The following EPHB2 variants were observed in gnomAD, a reference collection of about 807,000 sequenced individuals.
The protein encoded by EPHB2 is EPH receptor B2, also known as ephrin type-B receptor 2.
A neutral mutation model predicts 96.4 loss-of-function variants in EPHB2; 18 were observed. The observed-to-expected ratio is 0.19, with a 90% confidence interval of 0.13 to 0.28. The LOEUF is 0.28. Ranked by LOEUF, EPHB2 falls within the 10% of genes least tolerant of loss-of-function variation. The probability of loss-of-function intolerance (pLI) is 1.00; values close to 1 mark genes in which losing one functional copy is unlikely to be tolerated. For missense variants in EPHB2, 989 were observed against 1,355.4 expected (o/e 0.73, Z 4.25); for synonymous variants, 506 against 534.1 (o/e 0.95, Z 0.72).
intron 6 of EPHB2, 173 bp downstream of exon 6, chr1:22,882,656 C>G: frequency 1.0e-6 from 1 of 962,086 alleles, no homozygotes; most frequent in Non-Finnish European, 1.5e-6. Context: ...CTCCTTCCCA[C>G]TGTGAGACCT....
intron 1 of EPHB2, among the ~76,000 whole-genome samples, chr1:22,719,194 A>G (rs748753760): frequency 1.3e-5 from 2 of 152,132 alleles, no homozygotes; most frequent in African/African-American, 2.4e-5. Context: ...ACTTCCAAAT[A>G]CAATAGCTCA....
intron 5 of EPHB2, among the ~76,000 whole-genome samples, chr1:22,868,613 A>G (rs766454677): frequency 5.3e-5 from 8 of 152,142 alleles, no homozygotes; most frequent in Non-Finnish European, 1.2e-4. Flanking sequence ...CAGCCACCCC[A>G]GGCTTGTTTC....
At chr1:22,905,790 C>G (rs182864385) in intron 9 of EPHB2, among the ~76,000 whole-genome samples, 197 bp from the exon 10 acceptor site, 1 of 152,310 alleles carries the variant, frequency 6.6e-6, no homozygotes, top group East Asian at 1.9e-4. Context: ...GGTCTCTGTT[C>G]CCCTCACCTC....
chr1:22,748,630 T>G (rs1477377709), intron 1 of EPHB2, among the ~76,000 whole-genome samples: 1 of 151,722 alleles, frequency 6.6e-6, no homozygotes, highest in African/African-American at 2.4e-5. Flanking sequence ...TCTGCCCACC[T>G]CGGCCTCCCA....
At position 22,749,399 on chromosome 1, in the gene EPHB2, G is replaced by A. The variant is rs186688612; in HGVS notation, c.62-32022G>A. ...AAGAGGAATGCAGGGCAGGGACTGGGATGTGCATTTCTTCTAGAACTCTCT... is the reference window on the plus strand; with the variant it reads ...AAGAGGAATGCAGGGCAGGGACTGGAATGTGCATTTCTTCTAGAACTCTCT... On this transcript the variant is annotated intron_variant, in intron 1 of 15. Coordinates refer to ENST00000374630, the MANE Select transcript of EPHB2 (RefSeq NM_017449.5). 1.1e-3 allele frequency among the ~76,000 whole-genome samples: 165 copies of A among 152,298 alleles called. 1 individual carries two copies. The Middle Eastern group carries it at 0.014, about 13-fold the overall frequency.
chr1:22,884,698 C>G (rs531435234), intron 6 of EPHB2, among the ~76,000 whole-genome samples: 12 of 150,906 alleles, frequency 8.0e-5, no homozygotes, highest in Admixed American at 6.6e-4. Flanking sequence ...TGAATTCCTT[C>G]TGTCTAAACT....
rs2148550929 is a variant in EPHB2, at chr1:22,882,419, C to T, written c.1364C>T (p.Ser455Leu). 1.2e-6 allele frequency: 2 copies of T among 1,614,176 alleles called. No individual in the cohort carries two copies. Among genetic ancestry groups the T allele is most frequent in the Non-Finnish European group, 8.5e-7 (1 of 1,180,036 alleles). ...CGCACCGTGGACAGCATTACCCTGT[C>T]GTGGTCCCAGCCGGACCAGCCCAAT... ...VSRTVDSITL[S>L]WSQPDQPNGV... Residue 455 changes from serine (S) to leucine (L), a missense_variant, in exon 6 of 16, where the codon TCG (serine) becomes TTG (leucine). Transcript: ENST00000374630.
intron 4 of EPHB2, among the ~76,000 whole-genome samples, chr1:22,864,633 G>A (rs918357121): frequency 2.6e-5 from 4 of 152,162 alleles, no homozygotes; most frequent in South Asian, 2.1e-4. Flanking sequence ...AATTCCAAAC[G>A]CAAAAATACT....
intron 3 of EPHB2, among the ~76,000 whole-genome samples, chr1:22,827,712 C>A (rs1645244498): frequency 6.6e-6 from 1 of 152,198 alleles, no homozygotes; most frequent in Admixed American, 6.5e-5. Context: ...AGTGCTAGAG[C>A]CCAGAGTGCT....
intron 5 of EPHB2, among the ~76,000 whole-genome samples, chr1:22,876,202 C>T (rs541757832): frequency 6.6e-6 from 1 of 152,118 alleles, no homozygotes; most frequent in Non-Finnish European, 1.5e-5. Flanking sequence ...ACCTCTCCCC[C>T]ACTCCCTTGG....
intron 5 of EPHB2, among the ~76,000 whole-genome samples, chr1:22,881,383 G>A (rs559696285): frequency 4.0e-5 from 6 of 149,814 alleles, no homozygotes; most frequent in African/African-American, 1.5e-4. Flanking sequence ...GGGTGGCAGA[G>A]CGAGACTCCA....
chr1:22,727,953 C>T lies in EPHB2; in HGVS notation c.61+16910C>T, dbSNP rs71638864. Among the ~76,000 whole-genome samples, 1,351 of 151,962 alleles carry T rather than the reference C, an allele frequency of 8.9e-3. 6 individuals carry two copies. Among genetic ancestry groups the T allele is most frequent in the Non-Finnish European group, 0.014 (933 of 67,964 alleles). On this transcript the variant is annotated intron_variant, in intron 1 of 15. Transcript: ENST00000374630. ...CCACTGTACCTGGCTGAGACTCAGA[C>T]ATAGTATTTAACATCTGCCTCTAGC...
chr1:22,793,200 G>A (rs1354149291), intron 3 of EPHB2, among the ~76,000 whole-genome samples: 1 of 152,226 alleles, frequency 6.6e-6, no homozygotes, highest in East Asian at 1.9e-4. Context: ...GGACAATTTG[G>A]GCTTCAGAAC....
chr1:22,852,108 A>C (rs1490733190), intron 3 of EPHB2, among the ~76,000 whole-genome samples: 5 of 152,236 alleles, frequency 3.3e-5, no homozygotes, highest in Non-Finnish European at 7.3e-5. Context: ...TCCCAGAGTC[A>C]AGGTGAAGAT....
intron 1 of EPHB2, among the ~76,000 whole-genome samples, chr1:22,759,023 G>A (rs946067492): frequency 3.9e-5 from 6 of 152,056 alleles, no homozygotes; most frequent in African/African-American, 1.4e-4. Context: ...GATGGGTGAT[G>A]GGTGGATGGA....
In EPHB2 at chr1:22,858,095, G is replaced by A. The variant is rs1009259923; in HGVS notation, c.812-4942G>A. 2.0e-5 allele frequency among the ~76,000 whole-genome samples: 3 copies of A among 152,170 alleles called. No individual in the cohort carries two copies. Among genetic ancestry groups the A allele is most frequent in the African/African-American group, 4.8e-5 (2 of 41,434 alleles). On this transcript the variant is annotated intron_variant, in intron 3 of 15. Transcript: ENST00000374630. The surrounding 1 kb of genome is among the most constrained non-coding windows in gnomAD (Gnocchi z 7.7). ...CTCGGAGGAGGTGGCATTTAAGCTG[G>A]GGTCTGAAGGAGGAAAAGGAGCCAG...
intron 15 of EPHB2, 47 bp downstream of exon 15, chr1:22,912,646 AC>A (rs754273105): frequency 1.2e-6 from 2 of 1,607,672 alleles, no homozygotes; most frequent in South Asian, 2.2e-5. Flanking sequence ...CCCCCTCTCC[AC>A]CGGCCCCACC....
At chr1:22,731,437 G>T (rs1272468750) in intron 1 of EPHB2, among the ~76,000 whole-genome samples, 1 of 152,230 alleles carries the variant, frequency 6.6e-6, no homozygotes, top group East Asian at 1.9e-4. Flanking sequence ...AGGTGTGACT[G>T]TGGACAAGTT....
intron 1 of EPHB2, among the ~76,000 whole-genome samples, chr1:22,778,965 G>A (rs1021720717): frequency 1.3e-5 from 2 of 152,204 alleles, no homozygotes; most frequent in Non-Finnish European, 2.9e-5. Flanking sequence ...CAGGAATCTA[G>A]CCAAGGGATG....
Sources: allele counts gnomAD v4.1 joint callset (sites outside exome capture counted in the v4.1 genomes callset), GRCh38; gene constraint gnomAD v4.1.1; non-coding constraint Gnocchi (gnomAD v3.1); transcripts MANE v1.5; gene names NCBI Gene and HGNC (gene_info 2026-07-23, HGNC 2026-07-21).